The following PRKCE variants were observed in gnomAD, a reference collection of about 807,000 sequenced individuals.
The protein encoded by PRKCE is protein kinase C epsilon, also known as protein kinase C epsilon type.
In PRKCE, 16 loss-of-function variants were observed where a neutral mutation model predicts 85.4. The observed-to-expected ratio is 0.19, with a 90% CI of 0.13 to 0.28. The LOEUF (loss-of-function observed/expected upper bound fraction) is 0.28. PRKCE is among the 10% of genes least tolerant of loss of function. The pLI is 1.00. For synonymous variants in PRKCE, 388 were observed against 371.5 expected (o/e 1.04, Z -0.51); for missense variants, 573 against 975.2 (o/e 0.59, Z 5.49).
At chr2:46,073,957 A>G (rs1162461583) in intron 10 of PRKCE, 1 of 152,118 alleles carries the variant, frequency 6.6e-6, no homozygotes, top group Non-Finnish European at 1.5e-5. Context: ...GTCATCTCTT[A>G]GAGGTAGGAT....
intron 1 of PRKCE, among the ~76,000 whole-genome samples, chr2:45,817,191 C>A (rs1432371624): frequency 6.6e-6 from 1 of 151,928 alleles, no homozygotes; most frequent in Non-Finnish European, 1.5e-5. Context: ...TAGGCCTTGT[C>A]ATGATAGCAG....
chr2:45,980,449 G>T (rs1037739475), intron 5 of PRKCE, 68 bp downstream of exon 5: 1 of 1,446,964 alleles, frequency 6.9e-7, no homozygotes, highest in Non-Finnish European at 9.6e-7. Flanking sequence ...TGCCTCTTCT[G>T]TGGTTCCCAA....
chr2:45,859,630 G>A (rs768400099), intron 2 of PRKCE, among the ~76,000 whole-genome samples: 1 of 152,122 alleles, frequency 6.6e-6, no homozygotes, highest in Admixed American at 6.6e-5. Flanking sequence ...CTCCCTTAGT[G>A]CATTTTTCTG....
In PRKCE at chr2:46,184,434, A is replaced by AACACAC. The variant is rs3834107; in HGVS notation, c.2068-278_2068-273dup. Among the ~76,000 whole-genome samples, 14,869 of 149,118 alleles carry AACACAC rather than the reference A, an allele frequency of 0.1. 728 individuals are homozygous for AACACAC. The highest frequency in any genetic ancestry group is 0.13 in the Non-Finnish European group (8,820 of 67,190). ...GGGACCTTTGCATCATACACACACA[A>AACACAC]ACACACACACACACACACACACACA... On this transcript the variant is annotated intron_variant, in intron 14 of 14. Coordinates refer to ENST00000306156, the MANE Select transcript of PRKCE (RefSeq NM_005400.3). The surrounding 1 kb of genome is among the most constrained non-coding windows in gnomAD (Gnocchi z 5.0).
In PRKCE at chr2:46,068,552, A is replaced by T. The variant is rs1667817174; in HGVS notation, c.1438-17656A>T. On this transcript the variant is annotated intron_variant, in intron 10 of 14. Transcript: ENST00000306156. The surrounding 1 kb of genome is among the most constrained non-coding windows in gnomAD (Gnocchi z 4.3). Reference sequence around the variant, plus strand: ...AGAAAAATAATACCAACTTTAAAAAACTCTCTCTGATGTAACAATATAAGG... The same window carrying T: ...AGAAAAATAATACCAACTTTAAAAATCTCTCTCTGATGTAACAATATAAGG... Among the ~76,000 whole-genome samples, 1 of 152,008 alleles carries T rather than the reference A, an allele frequency of 6.6e-6. No homozygotes were observed. The highest frequency in any genetic ancestry group is 2.4e-5 in the African/African-American group (1 of 41,354).
At position 45,752,601 on chromosome 2, in the gene PRKCE, C is replaced by G. The variant is rs557072513; in HGVS notation, c.349-90399C>G. ...AAATCTGAGAGCCGGTCTCGGTGAT[C>G]TCCCTTGCTCAGCCAGAACATTCTG... On this transcript the variant is annotated intron_variant, in intron 1 of 14. Transcript: ENST00000306156. Among the ~76,000 whole-genome samples the G allele has an allele frequency of 5.9e-5, 9 of 152,300 alleles. No individual in the cohort carries two copies. The South Asian group carries it at 1.9e-3, about 32-fold the overall frequency.
At chr2:45,682,705 G>A (rs2103955157) in intron 1 of PRKCE, among the ~76,000 whole-genome samples, 1 of 152,310 alleles carries the variant, frequency 6.6e-6, no homozygotes, top group Middle Eastern at 3.4e-3. Context: ...TCCTGCCTCA[G>A]CCTCACAAGT....
At chr2:45,945,002 C>A in intron 2 of PRKCE, among the ~76,000 whole-genome samples, 1 of 152,074 alleles carries the variant, frequency 6.6e-6, no homozygotes, top group African/African-American at 2.4e-5. Flanking sequence ...GCTTCTTCCA[C>A]TTCTTGTTCC....
intron 2 of PRKCE, among the ~76,000 whole-genome samples, chr2:45,936,391 C>T (rs1198134047): frequency 6.6e-6 from 1 of 152,242 alleles, no homozygotes; most frequent in Non-Finnish European, 1.5e-5. Flanking sequence ...GGCCAGCACC[C>T]ACGTGGTTTT....
At chr2:45,958,468 C>T (rs939427601) in intron 2 of PRKCE, among the ~76,000 whole-genome samples, 2 of 148,118 alleles carry the variant, frequency 1.4e-5, no homozygotes, top group Non-Finnish European at 3.0e-5. Context: ...GAGATCGCAC[C>T]ACTGCACTCC....
In PRKCE at chr2:45,864,093, G is replaced by A. The variant is rs116887528; in HGVS notation, c.412+21030G>A. Reference sequence around the variant, plus strand: ...GGAATCTGAGGCTCTGGTTTAACTGGTTGGAGAGAATGCCAGGATTCAGCC... The same window carrying A: ...GGAATCTGAGGCTCTGGTTTAACTGATTGGAGAGAATGCCAGGATTCAGCC... On this transcript the variant is annotated intron_variant, in intron 2 of 14. Transcript: ENST00000306156. Among the ~76,000 whole-genome samples, 125 of 152,258 alleles carry A rather than the reference G, an allele frequency of 8.2e-4. 1 individual carries two copies. The East Asian group carries it at 0.021, about 25-fold the overall frequency.
chr2:46,135,745 G>GTTTTTTTTTTTT (rs1558491144), intron 11 of PRKCE, among the ~76,000 whole-genome samples: 3 of 14,922 alleles, frequency 2.0e-4, no homozygotes, highest in African/African-American at 5.4e-4. Context: ...AACAAATTAT[G>GTTTTTTTTTTTT]CTTTTTTTTT....
At position 45,935,050 on chromosome 2, in the gene PRKCE, G is replaced by A. The variant is rs2104108084; in HGVS notation, c.413-41379G>A. Among the ~76,000 whole-genome samples the A allele has an allele frequency of 1.5e-5, 2 of 137,642 alleles. 1 individual carries two copies. The highest frequency in any genetic ancestry group is 5.8e-5 in the African/African-American group (2 of 34,248). The allele number at this position is 137,642 out of a possible 152,430, so 90.3% of individuals were successfully genotyped here. A position where few individuals can be genotyped will look rare whatever the true frequency, so the allele number is the denominator to read the frequency against. ...CACTCCAGCCTGGGCAGCAAAGCGA[G>A]ACACTCACTCTCTCTCTCACACACA... On this transcript the variant is annotated intron_variant, in intron 2 of 14. Coordinates refer to ENST00000306156, the MANE Select transcript of PRKCE (RefSeq NM_005400.3).
At chr2:45,807,486 A>G (rs538944738) in intron 1 of PRKCE, among the ~76,000 whole-genome samples, 4 of 152,378 alleles carry the variant, frequency 2.6e-5, no homozygotes, top group African/African-American at 4.8e-5. Flanking sequence ...TCCTAATCCC[A>G]TTTACCCAAA....
chr2:45,800,007 G>A (rs1357199814), intron 1 of PRKCE, among the ~76,000 whole-genome samples: 2 of 152,230 alleles, frequency 1.3e-5, no homozygotes, highest in Non-Finnish European at 2.9e-5. Context: ...GTCCTGGGGA[G>A]GAGGAAGGCT....
At chr2:46,030,686 A>G (rs1707453240) in intron 10 of PRKCE, among the ~76,000 whole-genome samples, 1 of 152,192 alleles carries the variant, frequency 6.6e-6, no homozygotes, top group Non-Finnish European at 1.5e-5. Context: ...CTATCATAAT[A>G]CTTCCCTGTA....
Position 45,899,982 on chromosome 2 carries a change from T to C in PRKCE, c.412+56919T>C, listed in dbSNP as rs781419213. Among the ~76,000 whole-genome samples the C allele has an allele frequency of 4.6e-5, 7 of 152,382 alleles. 1 individual carries two copies. In the South Asian group the frequency reaches 1.4e-3, roughly 32 times the overall value. ...GAAAGATAAGTTACTTTTACTTAGC[T>C]GCTTGTGACCTCTGACTATATATTG... is the stretch of plus-strand genomic sequence containing the variant. On this transcript the variant is annotated intron_variant, in intron 2 of 14. Transcript: ENST00000306156.
intron 11 of PRKCE, among the ~76,000 whole-genome samples, chr2:46,113,968 C>T (rs1558469212): frequency 1.3e-5 from 2 of 152,120 alleles, no homozygotes; most frequent in Admixed American, 6.5e-5. Flanking sequence ...ATTCATCTTC[C>T]TTTGTTTCAT....
chr2:45,959,605 C>T (rs913864518), intron 2 of PRKCE, among the ~76,000 whole-genome samples: 6 of 152,134 alleles, frequency 3.9e-5, no homozygotes, highest in African/African-American at 1.4e-4. Flanking sequence ...TCCTGCTGGG[C>T]ACAGGATGGC....
Sources: allele counts gnomAD v4.1 joint callset (sites outside exome capture counted in the v4.1 genomes callset), GRCh38; gene constraint gnomAD v4.1.1; non-coding constraint Gnocchi (gnomAD v3.1); transcripts MANE v1.5; gene names NCBI Gene and HGNC (gene_info 2026-07-23, HGNC 2026-07-21).